The following TMEM135 variants were observed in gnomAD, a reference collection of about 807,000 sequenced individuals.
TMEM135 encodes transmembrane protein 135, also known as peroxisomal membrane protein 52.
TMEM135 carries 30 observed loss-of-function variants against 60.3 expected under a neutral mutation model. That is an observed-to-expected ratio of 0.50 (90% CI 0.37 to 0.68). TMEM135 has a LOEUF of 0.68. Among genes scored for constraint, TMEM135 ranks in the 30% least tolerant of loss-of-function variants. The probability of loss-of-function intolerance (pLI) is 0.00; values close to 1 mark genes in which losing one functional copy is unlikely to be tolerated. For missense variants in TMEM135, 468 were observed against 548.8 expected (o/e 0.85, Z 1.47); for synonymous variants, 190 against 186.7 (o/e 1.02, Z -0.14).
At chr11:87,219,676 G>T (rs895758025) in intron 5 of TMEM135, among the ~76,000 whole-genome samples, 1 of 152,090 alleles carries the variant, frequency 6.6e-6, no homozygotes, top group Admixed American at 6.6e-5. Context: ...CAGGTGCATT[G>T]GGGATTAGGG....
intron 4 of TMEM135, among the ~76,000 whole-genome samples, chr11:87,139,232 A>C (rs1223881347): frequency 6.6e-6 from 1 of 152,136 alleles, no homozygotes; most frequent in Admixed American, 6.5e-5. Flanking sequence ...TTGAATTACC[A>C]CTGAATTGAG....
At chr11:87,232,669 T>C (rs1443830378) in intron 5 of TMEM135, among the ~76,000 whole-genome samples, 1 of 152,154 alleles carries the variant, frequency 6.6e-6, no homozygotes, top group Non-Finnish European at 1.5e-5. Flanking sequence ...TGTACATACA[T>C]GCACTATGGA....
At chr11:87,196,003 C>G (rs1939948596) in intron 5 of TMEM135, among the ~76,000 whole-genome samples, 1 of 151,852 alleles carries the variant, frequency 6.6e-6, no homozygotes, top group South Asian at 2.1e-4. Context: ...AAAAAGTGAT[C>G]AAGTTCCAAA....
chr11:87,133,943 T>C (rs1181569468), intron 4 of TMEM135, among the ~76,000 whole-genome samples: 1 of 152,182 alleles, frequency 6.6e-6, no homozygotes, highest in Non-Finnish European at 1.5e-5. Flanking sequence ...ATTTGGGTTG[T>C]TTCTAGGATT....
intron 6 of TMEM135, among the ~76,000 whole-genome samples, chr11:87,280,725 C>T (rs763725206): frequency 1.3e-5 from 2 of 152,170 alleles, no homozygotes; most frequent in South Asian, 4.1e-4. Context: ...CTGAAGCCAT[C>T]GGCAATGGCT....
Position 87,038,078 on chromosome 11 carries a change from C to T in TMEM135, c.33C>T (p.Asn11=), listed in dbSNP as rs749303379. The change falls in exon 1 of 15, where the codon AAC becomes AAT. Residue 11 remains asparagine, a synonymous_variant. Transcript: ENST00000305494. MAALSKSIPH[N]CYEIGHTWHP... ...CCCTCAGCAAGTCCATCCCTCATAA[C>T]TGCTATGAGATCGGCCACACTTGGC... The T allele has an allele frequency of 1.2e-6, 2 of 1,614,202 alleles. No individual in the cohort carries two copies. The highest frequency in any genetic ancestry group is 8.5e-7 in the Non-Finnish European group (1 of 1,180,020).
intron 5 of TMEM135, among the ~76,000 whole-genome samples, chr11:87,180,168 G>C (rs928803794): frequency 6.6e-6 from 1 of 151,988 alleles, no homozygotes; most frequent in Non-Finnish European, 1.5e-5. Flanking sequence ...TACTTTTCTG[G>C]TGGGACCCCA....
chr11:87,084,146 A>G (rs1185725530), intron 3 of TMEM135, among the ~76,000 whole-genome samples: 1 of 152,202 alleles, frequency 6.6e-6, no homozygotes, highest in African/African-American at 2.4e-5. Context: ...TTGATTACGC[A>G]TCTAATTAGA....
At chr11:87,177,697 G>T (rs537185594) in intron 5 of TMEM135, among the ~76,000 whole-genome samples, 1 of 152,024 alleles carries the variant, frequency 6.6e-6, no homozygotes, top group South Asian at 2.1e-4. Context: ...TCCGCCCTCT[G>T]TGGGTATATT....
intron 1 of TMEM135, among the ~76,000 whole-genome samples, chr11:87,040,385 G>T (rs1949739878): frequency 6.6e-6 from 1 of 152,180 alleles, no homozygotes; most frequent in Non-Finnish European, 1.5e-5. Context: ...CAGGCCAGGT[G>T]CAGTGGCTCA....
chr11:87,328,007 A>AACACCCTCACAGACACACCC lies in TMEM135; in HGVS notation c.*6675_*6694dup, dbSNP rs1381500736. ...AACTCACATGCCAATCTCCTCTGGA[A>AACACCCTCACAGACACACCC]ACACCCTCACAGACACACCCCAAAA... On this transcript the variant is annotated 3_prime_UTR_variant, in exon 15 of 15. Transcript: ENST00000305494. 2.0e-5 allele frequency: 9 copies of AACACCCTCACAGACACACCC among 453,924 alleles called. No homozygotes were observed. Among genetic ancestry groups the AACACCCTCACAGACACACCC allele is most frequent in the Non-Finnish European group, 4.0e-5 (9 of 226,790 alleles). 28.1% of individuals were successfully genotyped at this position (453,924 alleles called of 1,614,324 possible).
intron 5 of TMEM135, among the ~76,000 whole-genome samples, chr11:87,170,855 G>A (rs1264373441): frequency 6.6e-6 from 1 of 152,144 alleles, no homozygotes; most frequent in African/African-American, 2.4e-5. Context: ...GAGCTGGCAG[G>A]CAGGAACGTT....
At chr11:87,295,221 C>T (rs1390331736) in intron 6 of TMEM135, among the ~76,000 whole-genome samples, 2 of 152,222 alleles carry the variant, frequency 1.3e-5, no homozygotes, top group Non-Finnish European at 2.9e-5. Context: ...TGTCTTTCTG[C>T]TCTCCCCTCA....
Position 87,309,681 on chromosome 11 carries a change from T to C in TMEM135, c.936+9T>C. The C allele has an allele frequency of 6.2e-7, 1 of 1,612,692 alleles. No individual in the cohort carries two copies. Among genetic ancestry groups the C allele is most frequent in the South Asian group, 1.1e-5 (1 of 91,050 alleles). ...TTGTTAGTATATACAAGGTAAGGCT[T>C]TTAGAAGAGGAAAGAAAAATGGGAA... is the stretch of plus-strand genomic sequence containing the variant. On this transcript the variant is annotated intron_variant, in intron 10 of 14. Transcript: ENST00000305494.
intron 3 of TMEM135, among the ~76,000 whole-genome samples, chr11:87,072,580 A>G (rs999506927): frequency 3.3e-5 from 5 of 151,936 alleles, no homozygotes; most frequent in African/African-American, 9.7e-5. Flanking sequence ...ACAAGGTTTC[A>G]CCATGTTGGC....
chr11:87,224,128 T>C (rs1940714320), intron 5 of TMEM135, among the ~76,000 whole-genome samples: 1 of 152,228 alleles, frequency 6.6e-6, no homozygotes, highest in Non-Finnish European at 1.5e-5. Flanking sequence ...GTTATACTAA[T>C]ATGTGAGTAA....
At chr11:87,268,356 T>TC (rs1941795800) in intron 6 of TMEM135, among the ~76,000 whole-genome samples, 1 of 151,394 alleles carries the variant, frequency 6.6e-6, no homozygotes, top group African/African-American at 2.4e-5. Context: ...GCTCATGCAA[T>TC]CCCCCCACCT....
At chr11:87,060,446 T>A (rs12289267) in intron 1 of TMEM135, among the ~76,000 whole-genome samples, 22,325 of 152,092 alleles carry the variant, frequency 0.15, 1,734 homozygotes, top group Non-Finnish European at 0.17. Flanking sequence ...GGCAACTTGA[T>A]CTTCTGTAGG....
intron 5 of TMEM135, among the ~76,000 whole-genome samples, chr11:87,171,269 A>G (rs370839187): frequency 1.3e-5 from 2 of 151,854 alleles, no homozygotes; most frequent in African/African-American, 2.4e-5. Flanking sequence ...CATCAAAACA[A>G]CTTTCCATTT....
Sources: allele counts gnomAD v4.1 joint callset (sites outside exome capture counted in the v4.1 genomes callset), GRCh38; gene constraint gnomAD v4.1.1; transcripts MANE v1.5; gene names NCBI Gene and HGNC (gene_info 2026-07-23, HGNC 2026-07-21).